The following BLTP1 variants were observed in gnomAD, a reference collection of about 807,000 sequenced individuals.
BLTP1 encodes the protein bridge-like lipid transfer protein family member 1.
chr4:122,239,767 T>G, the BLTP1 span: 1 of 1,614,158 alleles, frequency 6.2e-7, no homozygotes, highest in East Asian at 2.2e-5. Context: ...AGGAGAAGTT[T>G]TGGTTCATTC....
chr4:122,233,993 T>C, the BLTP1 span, among the ~76,000 whole-genome samples: 1 of 151,950 alleles, frequency 6.6e-6, no homozygotes, highest in Non-Finnish European at 1.5e-5. Flanking sequence ...GTCTTGAGAA[T>C]CCAAGGTGAT....
chr4:122,318,064 C>T, the BLTP1 span: 1 of 1,389,028 alleles, frequency 7.2e-7, no homozygotes, highest in Non-Finnish European at 9.7e-7. Flanking sequence ...GGTATTCTGA[C>T]AAGAATTAAA....
chr4:122,289,199 T>G, the BLTP1 span: 1 of 1,583,616 alleles, frequency 6.3e-7, no homozygotes, highest in African/African-American at 1.3e-5. Flanking sequence ...TCTGGTAAGA[T>G]GATCTAGTAC....
At chr4:122,270,457 A>AG in the BLTP1 span, 1 of 562,552 alleles carries the variant, frequency 1.8e-6, no homozygotes, top group Non-Finnish European at 2.3e-6. Context: ...ATAGTCTTAC[A>AG]TGAAAATCTT....
chr4:122,299,723 TATACACACAA>T, the BLTP1 span: 7 of 863,598 alleles, frequency 8.1e-6, no homozygotes, highest in African/African-American at 1.3e-4. Context: ...GGTGATATTA[TATACACACAA>T]ATACACACAT....
At chr4:122,237,446 A>C in the BLTP1 span, 1 of 747,494 alleles carries the variant, frequency 1.3e-6, no homozygotes, top group Non-Finnish European at 1.6e-6. Flanking sequence ...CACTGGAGGT[A>C]CATCAGTGAA....
At chr4:122,154,017 C>T in the BLTP1 span, 1 of 985,064 alleles carries the variant, frequency 1.0e-6, no homozygotes, top group Non-Finnish European at 1.2e-6. Flanking sequence ...AAATGCCATA[C>T]TTTTCAGGTT....
the BLTP1 span, among the ~76,000 whole-genome samples, chr4:122,323,913 A>G: frequency 6.6e-6 from 1 of 152,006 alleles, no homozygotes; most frequent in African/African-American, 2.4e-5. Context: ...CACTGTATTA[A>G]AATCTTTTAA....
the BLTP1 span, among the ~76,000 whole-genome samples, chr4:122,163,178 A>G: frequency 6.6e-6 from 1 of 152,286 alleles, no homozygotes; most frequent in Admixed American, 6.5e-5. Context: ...TATATAGTTT[A>G]TTGGGAAATG....
the BLTP1 span, among the ~76,000 whole-genome samples, chr4:122,158,604 A>G: frequency 1.3e-5 from 2 of 152,082 alleles, no homozygotes; most frequent in Non-Finnish European, 2.9e-5. Flanking sequence ...CACCTCTACT[A>G]AAAATATAAA....
At chr4:122,356,101 C>A in the BLTP1 span, 589 of 784,740 alleles carry the variant, frequency 7.5e-4, 1 homozygote, top group Middle Eastern at 6.3e-3. Flanking sequence ...AATTAATTTT[C>A]TAGGCAAAAT....
At chr4:122,348,850 T>G in the BLTP1 span, 4 of 644,658 alleles carry the variant, frequency 6.2e-6, no homozygotes, top group Non-Finnish European at 1.0e-5. Context: ...TATAAAATGT[T>G]TTATCCTGAA....
At chr4:122,240,717 C>T in the BLTP1 span, among the ~76,000 whole-genome samples, 1 of 152,050 alleles carries the variant, frequency 6.6e-6, no homozygotes, top group Non-Finnish European at 1.5e-5. Flanking sequence ...TAACTCCTTC[C>T]ATGCAAAGGC....
chr4:122,154,137 A>G, the BLTP1 span: 2 of 964,922 alleles, frequency 2.1e-6, no homozygotes, highest in Non-Finnish European at 2.5e-6. Flanking sequence ...CTAAGTTTTA[A>G]AAAGGTCAAA....
At chr4:122,303,014 A>G in the BLTP1 span, among the ~76,000 whole-genome samples, 6 of 152,234 alleles carry the variant, frequency 3.9e-5, no homozygotes, top group African/African-American at 1.4e-4. Context: ...GAAGGTGGTT[A>G]CGCTAAACGA....
the BLTP1 span, chr4:122,228,943 A>G: frequency 4.9e-6 from 1 of 204,444 alleles, no homozygotes; most frequent in Middle Eastern, 2.5e-3. Context: ...ATAGTTTTCT[A>G]ATTGATAACA....
the BLTP1 span, chr4:122,336,786 A>G: frequency 7.4e-7 from 1 of 1,350,206 alleles, no homozygotes. Flanking sequence ...GGGTGTTCAT[A>G]CCTTTCATCT....
At chr4:122,288,834 C>A in the BLTP1 span, 1 of 277,278 alleles carries the variant, frequency 3.6e-6, no homozygotes, top group South Asian at 1.4e-4. Flanking sequence ...ATTTGCTCCC[C>A]AGACTTCTCA....
chr4:122,169,651 C>T, the BLTP1 span: 27 of 961,758 alleles, frequency 2.8e-5, no homozygotes, highest in Middle Eastern at 5.3e-4. Flanking sequence ...TCATATTCAT[C>T]CTACTGTGTG....
Sources: gnomAD v4.1 joint callset for allele counts (sites outside exome capture counted in the v4.1 genomes callset) on GRCh38, gnomAD v4.1.1 for gene constraint, MANE v1.5 for transcripts, NCBI Gene and HGNC (gene_info 2026-07-23, HGNC 2026-07-21) for gene names.